The following DAB1 variants were observed in gnomAD, a reference collection of about 807,000 sequenced individuals.
The protein encoded by DAB1 is disabled homolog 1.
Under a neutral mutation model 64.6 loss-of-function variants are expected in DAB1, and 15 were observed. The ratio of observed to expected loss-of-function variants is 0.23; its 90% CI spans 0.16 to 0.36. The LOEUF is 0.36. DAB1 is among the 10% of genes least tolerant of loss of function. DAB1 has a pLI of 1.00. For missense variants in DAB1, 596 were observed against 706.7 expected (o/e 0.84, Z 1.78); for synonymous variants, 235 against 251.9 (o/e 0.93, Z 0.64).
chr1:58,540,267 A>T (rs1189213852), intron 1 of DAB1, among the ~76,000 whole-genome samples: 2 of 147,446 alleles, frequency 1.4e-5, no homozygotes, highest in African/African-American at 5.0e-5. Flanking sequence ...CTTCCAAGCA[A>T]CAACTGCATC....
chr1:57,852,066 G>T (rs1653550665), intron 1 of DAB1, among the ~76,000 whole-genome samples: 2 of 152,130 alleles, frequency 1.3e-5, no homozygotes, highest in Admixed American at 6.5e-5. Context: ...ACCTTCCCTG[G>T]CCCTCCTGTC....
intron 4 of DAB1, among the ~76,000 whole-genome samples, chr1:57,085,457 T>G (rs372423918): frequency 5.1e-4 from 77 of 152,368 alleles, no homozygotes; most frequent in African/African-American, 1.7e-3. Flanking sequence ...AGCTCTGATG[T>G]GCCCCCAGGA....
At chr1:58,486,629 G>A (rs1645579838) in intron 3 of DAB1, among the ~76,000 whole-genome samples, 2 of 152,258 alleles carry the variant, frequency 1.3e-5, no homozygotes, top group Admixed American at 1.3e-4. Context: ...TAGGGTAAAA[G>A]CCAATAAACA....
chr1:57,210,844 G>A (rs1665944599), intron 2 of DAB1, among the ~76,000 whole-genome samples: 1 of 152,178 alleles, frequency 6.6e-6, no homozygotes, highest in Non-Finnish European at 1.5e-5. Context: ...AGTTTTCACT[G>A]CCTATGCATG....
intron 6 of DAB1, among the ~76,000 whole-genome samples, chr1:57,749,946 C>T (rs1051583188): frequency 4.0e-4 from 61 of 152,028 alleles, no homozygotes; most frequent in African/African-American, 1.4e-3. Context: ...GGAAACATTG[C>T]AAATCCATCC....
chr1:58,493,930 A>G (rs1645746812), intron 3 of DAB1, among the ~76,000 whole-genome samples: 1 of 146,852 alleles, frequency 6.8e-6, no homozygotes, highest in African/African-American at 2.5e-5. Context: ...TAAAGTTCAT[A>G]TGGTACCAAA....
At chr1:58,237,282 G>A (rs932033337) in intron 4 of DAB1, among the ~76,000 whole-genome samples, 4 of 152,182 alleles carry the variant, frequency 2.6e-5, no homozygotes, top group East Asian at 1.9e-4. Flanking sequence ...TATTTTGCAC[G>A]TACGTAGATG....
intron 1 of DAB1, among the ~76,000 whole-genome samples, chr1:57,340,276 G>A (rs143192643): frequency 8.7e-4 from 133 of 152,156 alleles, no homozygotes; most frequent in African/African-American, 3.1e-3. Context: ...CAGAACTAAG[G>A]CAAATTAATG....
At chr1:57,608,552 C>T (rs576298511) in intron 7 of DAB1, among the ~76,000 whole-genome samples, 1 of 152,158 alleles carries the variant, frequency 6.6e-6, no homozygotes, top group Admixed American at 6.5e-5. Context: ...TTGAGTTATT[C>T]TCCTTTTAAT....
chr1:57,256,520 A>G (rs1420566672), intron 2 of DAB1, among the ~76,000 whole-genome samples: 1 of 152,016 alleles, frequency 6.6e-6, no homozygotes, highest in African/African-American at 2.4e-5. Flanking sequence ...TGCCACAGTC[A>G]GCACCACGCT....
chr1:57,069,564 A>G (rs1010120503), intron 7 of DAB1, 139 bp from the exon 8 acceptor site: 5 of 649,714 alleles, frequency 7.7e-6, no homozygotes, highest in Non-Finnish European at 1.4e-5. Context: ...AGACACAACT[A>G]AATTATTGAA....
rs572383678 is a variant in DAB1, at chr1:58,006,558, C to T, written n.388-122396G>A. ...CAAGGCATGAGGTCCTGTCTTTGCA[C>T]TACAAGGATTTTTCTTGACTTTTCA... On this transcript the variant is annotated intron_variant and non_coding_transcript_variant, in intron 5 of 20. Transcript: ENST00000485760. Among the ~76,000 whole-genome samples, 5 of 152,280 alleles carry T rather than the reference C, an allele frequency of 3.3e-5. No individual in the cohort carries two copies. In the East Asian group the frequency reaches 5.8e-4, roughly 18 times the overall value.
intron 2 of DAB1, among the ~76,000 whole-genome samples, chr1:57,226,671 A>AAAT (rs1169999256): frequency 1.5e-5 from 2 of 129,292 alleles, no homozygotes; most frequent in Non-Finnish European, 3.2e-5. Context: ...GTTAAAAAAA[A>AAAT]AATATATATA....
At chr1:57,434,477 G>C (rs1329946981) in intron 7 of DAB1, among the ~76,000 whole-genome samples, 2 of 152,194 alleles carry the variant, frequency 1.3e-5, no homozygotes, top group Non-Finnish European at 1.5e-5. Flanking sequence ...AGTTGCCTCA[G>C]TGGAGATAGG....
chr1:57,558,099 A>G (rs1645011457), intron 7 of DAB1, among the ~76,000 whole-genome samples: 1 of 152,172 alleles, frequency 6.6e-6, no homozygotes, highest in Non-Finnish European at 1.5e-5. Flanking sequence ...TGGGACGCTG[A>G]AACTTGGAAT....
intron 4 of DAB1, among the ~76,000 whole-genome samples, chr1:58,195,144 CAGAG>C (rs1225243544): frequency 1.2e-5 from 1 of 81,776 alleles, no homozygotes; most frequent in Non-Finnish European, 2.4e-5. Context: ...GAGAGAGAGA[CAGAG>C]AGACAGAGAG....
At position 57,517,954 on chromosome 1, in the gene DAB1, GTAGCACCCAGCCTCTGT is replaced by G. The variant is rs1444183112; in HGVS notation, n.625+131621_625+131637del. On this transcript the variant is annotated intron_variant and non_coding_transcript_variant, in intron 7 of 20. Transcript: ENST00000485760. ...CCCCCCAGCTGGAATCCTCTCTCTA[GTAGCACCCAGCCTCTGT>G]TGTCACACCACCAGTGACACGTTGC... is the stretch of plus-strand genomic sequence containing the variant. Among the ~76,000 whole-genome samples the G allele has an allele frequency of 5.9e-5, 9 of 152,242 alleles. No individual in the cohort carries two copies. In the East Asian group the frequency reaches 1.5e-3, roughly 26 times the overall value.
At chr1:57,281,405 T>G (rs767749881) in intron 2 of DAB1, among the ~76,000 whole-genome samples, 1 of 151,884 alleles carries the variant, frequency 6.6e-6, no homozygotes, top group Non-Finnish European at 1.5e-5. Context: ...ACAGAAAAAA[T>G]GTATTCCCAG....
chr1:57,183,406 T>C (rs1663188637), intron 2 of DAB1, among the ~76,000 whole-genome samples: 1 of 152,138 alleles, frequency 6.6e-6, no homozygotes, highest in African/African-American at 2.4e-5. Context: ...AGCAATATTG[T>C]GTGCAATGAA....
Sources: gnomAD v4.1 joint callset for allele counts (sites outside exome capture counted in the v4.1 genomes callset) on GRCh38, gnomAD v4.1.1 for gene constraint, MANE v1.5 for transcripts, NCBI Gene and HGNC (gene_info 2026-07-23, HGNC 2026-07-21) for gene names.